EFHD1: variants seen among roughly 807,000 people sequenced by gnomAD.
The protein encoded by EFHD1 is EF-hand domain-containing protein D1.
Under a neutral mutation model 17.2 loss-of-function variants are expected in EFHD1, and 10 were observed. That is an observed-to-expected ratio of 0.58 (90% CI 0.36 to 0.99). The LOEUF is 0.99. EFHD1 is among the 50% of genes least tolerant of loss of function. The pLI is 0.01. For missense variants in EFHD1, 310 were observed against 327.5 expected, an observed-to-expected ratio of 0.95 and a Z score of 0.41; for synonymous variants, 153 against 142.0, an observed-to-expected ratio of 1.08 and a Z score of -0.55.
chr2:232,621,286 C>T (rs1694012894), intron 1 of EFHD1, among the ~76,000 whole-genome samples: 2 of 152,092 alleles, frequency 1.3e-5, no homozygotes, highest in South Asian at 4.1e-4. Flanking sequence ...TCTCTGGTGG[C>T]TGGAACCAAT....
chr2:232,674,946 G>A (rs947942575), intron 3 of EFHD1, among the ~76,000 whole-genome samples: 4 of 151,998 alleles, frequency 2.6e-5, no homozygotes, highest in East Asian at 1.9e-4. Context: ...TGACATGGCC[G>A]GAGGTGAAAG....
intron 1 of EFHD1, among the ~76,000 whole-genome samples, chr2:232,656,387 G>A (rs1488320741): frequency 6.6e-6 from 1 of 151,784 alleles, no homozygotes; most frequent in African/African-American, 2.4e-5. Flanking sequence ...ACCTGTGCTG[G>A]GAAAGTCAGT....
At chr2:232,634,547 G>A (rs1021508292) in intron 1 of EFHD1, among the ~76,000 whole-genome samples, 4 of 152,196 alleles carry the variant, frequency 2.6e-5, no homozygotes, top group Non-Finnish European at 4.4e-5. Context: ...TCCTGGAGCA[G>A]GCGCGGCCCG....
Position 232,679,698 on chromosome 2 carries a change from G to A in EFHD1, c.586-1887G>A, listed in dbSNP as rs533380592. Among the ~76,000 whole-genome samples, 217 of 149,886 alleles carry A rather than the reference G, an allele frequency of 1.4e-3. 1 individual carries two copies. The highest frequency in any genetic ancestry group is 5.3e-3 in the South Asian group (25 of 4,708). ...CACTGCACTTCAACCTCAACCTGGG[G>A]GATGGAGCAAGACGTTTCTAAAAAA... On this transcript the variant is annotated intron_variant, in intron 3 of 3. Transcript: ENST00000264059.
At chr2:232,666,710 G>A (rs1435869705) in intron 2 of EFHD1, among the ~76,000 whole-genome samples, 1 of 152,194 alleles carries the variant, frequency 6.6e-6, no homozygotes, top group African/African-American at 2.4e-5. Context: ...GACATTCACA[G>A]TCTACCCTTT....
At chr2:232,641,239 G>A (rs1425145666) in intron 1 of EFHD1, among the ~76,000 whole-genome samples, 1 of 152,066 alleles carries the variant, frequency 6.6e-6, no homozygotes, top group Non-Finnish European at 1.5e-5. Context: ...ACGGGGTTTT[G>A]ACATGTTGCC....
At chr2:232,632,419 T>C (rs1477869924), upstream of EFHD1, among the ~76,000 whole-genome samples, 2 of 152,156 alleles carry the variant, frequency 1.3e-5, no homozygotes, top group Non-Finnish European at 2.9e-5. Flanking sequence ...CATCAGCCCA[T>C]GGTGGGTCAG....
rs182884401 is a variant in EFHD1 at position 232,660,403 on chromosome 2, C to T, written c.303-2399C>T. ...TAGAGATGGGATTTCACCGTGTTAG[C>T]CAGGATGGTCTCGATCTTGTTCTCC... is the stretch of plus-strand genomic sequence containing the variant. On this transcript the variant is annotated intron_variant, in intron 1 of 3. Coordinates refer to ENST00000264059, the MANE Select transcript of EFHD1 (RefSeq NM_025202.4). Among the ~76,000 whole-genome samples, 464 of 151,852 alleles carry T rather than the reference C, an allele frequency of 3.1e-3. 1 individual carries two copies. The highest frequency in any genetic ancestry group is 5.2e-3 in the Non-Finnish European group (351 of 67,934).
intron 1 of EFHD1, among the ~76,000 whole-genome samples, chr2:232,658,587 TA>T (rs1376960199): frequency 1.3e-5 from 2 of 152,168 alleles, no homozygotes; most frequent in Non-Finnish European, 2.9e-5. Flanking sequence ...ACACTATTCA[TA>T]AGAGCCAAAA....
At chr2:232,660,356 G>A (rs975907244) in intron 1 of EFHD1, among the ~76,000 whole-genome samples, 2 of 151,522 alleles carry the variant, frequency 1.3e-5, no homozygotes, top group Admixed American at 6.6e-5. Flanking sequence ...CACCACGCCC[G>A]GCTCATTTTT....
chr2:232,663,703 C>T (rs970297136), intron 2 of EFHD1, among the ~76,000 whole-genome samples: 18 of 152,086 alleles, frequency 1.2e-4, no homozygotes, highest in African/African-American at 2.9e-4. Context: ...CAATGTGTAA[C>T]GACCAAGTCA....
intron 1 of EFHD1, among the ~76,000 whole-genome samples, chr2:232,644,794 ATTT>A (rs746133158): frequency 0.021 from 2,641 of 123,804 alleles, 79 homozygotes; most frequent in African/African-American, 0.076. Context: ...ACCTGGCCTA[ATTT>A]TTTTTTTTTT....
intron 2 of EFHD1, among the ~76,000 whole-genome samples, chr2:232,666,633 A>C (rs1294237817): frequency 6.6e-6 from 1 of 152,228 alleles, no homozygotes; most frequent in Non-Finnish European, 1.5e-5. Flanking sequence ...GATGGTAGAC[A>C]TCAGAGTCTT....
chr2:232,622,025 C>T (rs1694026292), intron 1 of EFHD1, among the ~76,000 whole-genome samples: 1 of 152,202 alleles, frequency 6.6e-6, no homozygotes, highest in Admixed American at 6.5e-5. Flanking sequence ...TATCATCTCC[C>T]CAAACTTCCT....
chr2:232,630,908 T>C, upstream of EFHD1, among the ~76,000 whole-genome samples: 1 of 152,134 alleles, frequency 6.6e-6, no homozygotes, highest in East Asian at 1.9e-4. Flanking sequence ...GTTGTAAATT[T>C]CAGCATGTAA....
chr2:232,615,509 T>C lies in EFHD1; in HGVS notation c.14+9336T>C, dbSNP rs542609889. On this transcript the variant is annotated intron_variant, in intron 1 of 3. Coordinates refer to the EFHD1 transcript ENST00000409613. ...CCCTGCCTGCTCTTGTTTATGTGGA[T>C]TGACCTCTGGATGGTACTGTCAGGC... is the stretch of plus-strand genomic sequence containing the variant. Among the ~76,000 whole-genome samples, 203 of 152,178 alleles carry C rather than the reference T, an allele frequency of 1.3e-3. 5 individuals are homozygous for C. The South Asian group carries it at 0.023, about 17-fold the overall frequency.
At chr2:232,620,288 T>G (rs1330303805) in intron 1 of EFHD1, among the ~76,000 whole-genome samples, 1 of 149,100 alleles carries the variant, frequency 6.7e-6, no homozygotes, top group African/African-American at 2.5e-5. Context: ...CTCGGGAGGC[T>G]GAGGCAGGAG....
At chr2:232,672,161 T>C in intron 2 of EFHD1, 148 bp from the exon 3 acceptor site, 1 of 1,067,552 alleles carries the variant, frequency 9.4e-7, no homozygotes, top group Non-Finnish European at 1.4e-6. Flanking sequence ...TTTTTGACAA[T>C]CTGATGAGGG....
exon 1 of EFHD1, chr2:232,606,115 C>T (rs981538097): frequency 6.5e-7 from 1 of 1,548,958 alleles, no homozygotes; most frequent in Non-Finnish European, 8.7e-7. Context: ...CGTACTGTCC[C>T]TGTGAAGGCC....
Sources: gnomAD v4.1 joint callset for allele counts (sites outside exome capture counted in the v4.1 genomes callset) on GRCh38, gnomAD v4.1.1 for gene constraint, MANE v1.5 for transcripts, NCBI Gene and HGNC (gene_info 2026-07-23, HGNC 2026-07-21) for gene names.